The following BICD1 variants were observed in gnomAD, a reference collection of about 807,000 sequenced individuals.
BICD1 encodes BICD cargo adaptor 1.
A neutral mutation model predicts 92.5 loss-of-function variants in BICD1; 35 were observed. The observed-to-expected ratio is 0.38, with a 90% CI of 0.29 to 0.50. The LOEUF (loss-of-function observed/expected upper bound fraction) is 0.50, where lower values mean the gene tolerates loss of function less well. Among genes scored for constraint, BICD1 ranks in the 20% least tolerant of loss-of-function variants. BICD1 has a pLI of 0.93. For missense variants in BICD1, 950 were observed against 1,189.8 expected (o/e 0.80, Z 2.97); for synonymous variants, 429 against 465.1 (o/e 0.92, Z 1.00).
At chr12:32,377,449 A>G (rs1940015939) in intron 9 of BICD1, 91 bp from the exon 10 acceptor site, 1 of 1,018,606 alleles carries the variant, frequency 9.8e-7, no homozygotes, top group Non-Finnish European at 1.6e-6. Flanking sequence ...TGTTCTCAAA[A>G]TCTATGCAAA....
At chr12:32,198,344 A>ATATATATATATATATATATATG (rs1179586071) in intron 1 of BICD1, among the ~76,000 whole-genome samples, 1 of 140,392 alleles carries the variant, frequency 7.1e-6, no homozygotes, top group African/African-American at 2.6e-5. Flanking sequence ...ATATATATAT[A>ATATATATATATATATATATATG]TATATATATT....
chr12:32,318,320 G>A (rs566323590), intron 4 of BICD1, among the ~76,000 whole-genome samples: 6 of 152,190 alleles, frequency 3.9e-5, no homozygotes, highest in South Asian at 2.1e-4. Context: ...CCATTTTAAC[G>A]ATATTGATTC....
At chr12:32,230,585 CATAACA>C (rs945571762) in intron 2 of BICD1, among the ~76,000 whole-genome samples, 2 of 152,048 alleles carry the variant, frequency 1.3e-5, no homozygotes, top group Non-Finnish European at 2.9e-5. Context: ...GTGTTTGCTA[CATAACA>C]GTAACAGTGC....
chr12:32,171,290 G>A (rs993846385), intron 1 of BICD1, among the ~76,000 whole-genome samples: 44 of 152,338 alleles, frequency 2.9e-4, no homozygotes, highest in African/African-American at 9.9e-4. Context: ...GTTCCAGGGC[G>A]TGGCAGGACT....
In BICD1 at chr12:32,107,110, A is replaced by T. The variant is rs1353593054; in HGVS notation, c.-222A>T. The stretch of plus-strand genomic sequence containing the variant: ...GGCGGCCTTTGCCGCCTCGCCCCTG[A>T]CCCTCTGCCCTGTTCTCCATGTTGC... On this transcript the variant is annotated 5_prime_UTR_variant, in exon 1 of 10. The change abolishes the stop of an existing upstream ORF in the 5' untranslated region. Transcript: ENST00000652176. 1.6e-5 allele frequency: 9 copies of T among 564,996 alleles called. No homozygotes were observed. Among genetic ancestry groups the T allele is most frequent in the Non-Finnish European group, 2.8e-5 (9 of 317,530 alleles). 35.0% of individuals were successfully genotyped at this position (564,996 alleles called of 1,614,324 possible).
At chr12:32,269,278 A>G (rs77926868) in intron 2 of BICD1, among the ~76,000 whole-genome samples, 2,044 of 152,302 alleles carry the variant, frequency 0.013, 57 homozygotes, top group African/African-American at 0.046. Context: ...AATATTTTGA[A>G]CTTAAAATAA....
chr12:32,314,302 G>A (rs922567721), intron 4 of BICD1, among the ~76,000 whole-genome samples: 1 of 152,166 alleles, frequency 6.6e-6, no homozygotes, highest in African/African-American at 2.4e-5. Context: ...AGGTGGAAAT[G>A]CTGGGTCATA....
chr12:32,175,582 T>C (rs1385608560), intron 1 of BICD1, among the ~76,000 whole-genome samples: 1 of 152,164 alleles, frequency 6.6e-6, no homozygotes, highest in Non-Finnish European at 1.5e-5. Flanking sequence ...CTCCCCAAAG[T>C]GCTGAGACGA....
chr12:32,235,118 CAT>C (rs1476810831), intron 2 of BICD1, among the ~76,000 whole-genome samples: 1 of 152,152 alleles, frequency 6.6e-6, no homozygotes, highest in Non-Finnish European at 1.5e-5. Context: ...TGAAAACACA[CAT>C]ATTAACAGAG....
At chr12:32,339,938 T>G in intron 8 of BICD1, 1 of 828,326 alleles carries the variant, frequency 1.2e-6, no homozygotes, top group Non-Finnish European at 1.5e-6. Flanking sequence ...CAACACCTGT[T>G]GGAGCTCTGT....
intron 9 of BICD1, among the ~76,000 whole-genome samples, chr12:32,369,813 G>A (rs1284387179): frequency 6.6e-6 from 1 of 152,010 alleles, no homozygotes; most frequent in Non-Finnish European, 1.5e-5. Context: ...AGCTGAGGTT[G>A]GAGGGTCACT....
At chr12:32,197,620 A>G (rs562244217) in intron 1 of BICD1, among the ~76,000 whole-genome samples, 1 of 152,330 alleles carries the variant, frequency 6.6e-6, no homozygotes, top group South Asian at 2.1e-4. Flanking sequence ...TTGACAACCA[A>G]TTAATATGTA....
intron 1 of BICD1, among the ~76,000 whole-genome samples, chr12:32,117,917 A>C (rs1014586085): frequency 5.3e-5 from 8 of 149,908 alleles, no homozygotes; most frequent in African/African-American, 2.0e-4. Context: ...TGCCCAGCTA[A>C]TTTTGTATTT....
At chr12:32,110,149 A>G (rs1941632491) in intron 1 of BICD1, among the ~76,000 whole-genome samples, 1 of 152,198 alleles carries the variant, frequency 6.6e-6, no homozygotes, top group Admixed American at 6.5e-5. Flanking sequence ...TTTGCAGATC[A>G]TTTTGTTTTC....
At chr12:32,311,058 A>C (rs558407376) in intron 4 of BICD1, among the ~76,000 whole-genome samples, 14 of 152,200 alleles carry the variant, frequency 9.2e-5, no homozygotes, top group Non-Finnish European at 1.8e-4. Context: ...AAATATTTTA[A>C]GAGATTTATT....
At position 32,216,094 on chromosome 12, in the gene BICD1, C is replaced by T. The variant is rs376684981; in HGVS notation, c.214-153C>T. 1.3e-3 allele frequency among the ~76,000 whole-genome samples: 193 copies of T among 151,874 alleles called. 5 individuals are homozygous for T. The South Asian group carries it at 0.025, about 20-fold the overall frequency. On this transcript the variant is annotated intron_variant, in intron 1 of 9. Transcript: ENST00000652176. ...ATTAAGCGAATTGAATTATTTCAAG[C>T]ATCAGTGAGAGCTGCTAGACTGTTA... is the stretch of plus-strand genomic sequence containing the variant.
In BICD1 at chr12:32,159,254, G is replaced by T. The variant is rs1344273633; in HGVS notation, c.213+51710G>T. Among the ~76,000 whole-genome samples the T allele has an allele frequency of 3.6e-4, 55 of 152,092 alleles. 2 individuals are homozygous for T. The highest frequency in any genetic ancestry group is 3.6e-3 in the Admixed American group (55 of 15,264). ...GGCTCATCAAACGTTTGATTTATCG[G>T]TTTCCTAGCATATAAACTAGCTGCG... On this transcript the variant is annotated intron_variant, in intron 1 of 9. Transcript: ENST00000652176.
intron 1 of BICD1, among the ~76,000 whole-genome samples, chr12:32,171,349 G>C (rs1565562623): frequency 6.6e-6 from 1 of 152,338 alleles, no homozygotes; most frequent in East Asian, 1.9e-4. Context: ...CGATGCTGTG[G>C]GACCTGGAAA....
At chr12:32,312,883 C>G (rs1318264530) in intron 4 of BICD1, among the ~76,000 whole-genome samples, 1 of 152,172 alleles carries the variant, frequency 6.6e-6, no homozygotes, top group Non-Finnish European at 1.5e-5. Context: ...TTGGTGCCCT[C>G]AAGACCTCAT....
Sources: allele counts gnomAD v4.1 joint callset (sites outside exome capture counted in the v4.1 genomes callset), GRCh38; gene constraint gnomAD v4.1.1; transcripts MANE v1.5; gene names NCBI Gene and HGNC (gene_info 2026-07-23, HGNC 2026-07-21).